The following RABEPK variants were observed in gnomAD, a reference collection of about 807,000 sequenced individuals.
RABEPK encodes the protein 40 kDa Rab9 effector protein.
RABEPK carries 27 observed loss-of-function variants against 34.1 expected under a neutral mutation model. The observed-to-expected ratio is 0.79, with a 90% CI of 0.58 to 1.09. The LOEUF (loss-of-function observed/expected upper bound fraction) is 1.09, where lower values mean the gene tolerates loss of function less well. RABEPK is among the 50% of genes least tolerant of loss of function. RABEPK has a pLI of 0.00. For synonymous variants in RABEPK, 172 were observed against 169.2 expected, an observed-to-expected ratio of 1.02 and a Z score of -0.13; for missense variants, 449 against 462.6, an observed-to-expected ratio of 0.97 and a Z score of 0.27.
chr9:125,210,572 T>C (rs1830522208), intron 3 of RABEPK, among the ~76,000 whole-genome samples: 1 of 151,086 alleles, frequency 6.6e-6, no homozygotes, highest in South Asian at 2.1e-4. Context: ...ACAAAAAAAT[T>C]AGCTGGGCAT....
chr9:125,212,870 A>C (rs1830677873), intron 3 of RABEPK, among the ~76,000 whole-genome samples: 1 of 151,768 alleles, frequency 6.6e-6, no homozygotes, highest in Admixed American at 6.6e-5. Flanking sequence ...AGGTTTCACC[A>C]TGTTGGCCAG....
At chr9:125,231,628 C>T (rs888609965) in intron 6 of RABEPK, among the ~76,000 whole-genome samples, 11 of 151,962 alleles carry the variant, frequency 7.2e-5, no homozygotes, top group Non-Finnish European at 1.5e-5. Context: ...TGGTGAAACA[C>T]CGTCTCTACT....
At chr9:125,231,113 G>C (rs544010293) in intron 6 of RABEPK, among the ~76,000 whole-genome samples, 1 of 151,602 alleles carries the variant, frequency 6.6e-6, no homozygotes, top group East Asian at 2.0e-4. Context: ...GACTAGCCTG[G>C]CCAACATGGT....
intron 4 of RABEPK, among the ~76,000 whole-genome samples, chr9:125,214,148 T>A (rs865876017): frequency 3.8e-4 from 58 of 150,980 alleles, no homozygotes; most frequent in African/African-American, 1.0e-3. Context: ...GAAAAAAAAA[T>A]TTTTTTAAAA....
At chr9:125,220,020 A>G (rs756105340) in intron 4 of RABEPK, among the ~76,000 whole-genome samples, 1 of 151,750 alleles carries the variant, frequency 6.6e-6, no homozygotes, top group Non-Finnish European at 1.5e-5. Context: ...TTTTTTTAAT[A>G]TGGAGCCTTG....
At chr9:125,217,615 T>G (rs1020704221) in intron 4 of RABEPK, among the ~76,000 whole-genome samples, 1 of 152,114 alleles carries the variant, frequency 6.6e-6, no homozygotes, top group Non-Finnish European at 1.5e-5. Context: ...TTTTCTCTCC[T>G]AGAAAATATA....
At chr9:125,209,201 C>T (rs1303643647) in intron 3 of RABEPK, among the ~76,000 whole-genome samples, 2 of 151,454 alleles carry the variant, frequency 1.3e-5, no homozygotes, top group Non-Finnish European at 2.9e-5. Context: ...GCTGGGATTA[C>T]AGGTGTGCGC....
intron 5 of RABEPK, among the ~76,000 whole-genome samples, chr9:125,222,865 T>A (rs1275066306): frequency 6.6e-6 from 1 of 152,096 alleles, no homozygotes; most frequent in African/African-American, 2.4e-5. Flanking sequence ...AGAGTCAGGG[T>A]CTCACTGCAT....
intron 6 of RABEPK, among the ~76,000 whole-genome samples, chr9:125,230,030 T>C (rs942264128): frequency 3.3e-5 from 5 of 152,160 alleles, no homozygotes; most frequent in Non-Finnish European, 7.3e-5. Flanking sequence ...ACTGATGCGA[T>C]CTTAGCTCAT....
At chr9:125,218,973 C>T (rs910879511) in intron 4 of RABEPK, among the ~76,000 whole-genome samples, 1 of 152,064 alleles carries the variant, frequency 6.6e-6, no homozygotes, top group Non-Finnish European at 1.5e-5. Flanking sequence ...CTCAAGCAAT[C>T]CACCTGCCCC....
At chr9:125,220,358 G>T in intron 4 of RABEPK, 181 bp from the exon 5 acceptor site, 1 of 1,460,444 alleles carries the variant, frequency 6.8e-7, no homozygotes, top group Non-Finnish European at 9.0e-7. Flanking sequence ...GGACTGTCTT[G>T]GCAAATCCTA....
At chr9:125,228,086 T>C (rs770265521) in intron 6 of RABEPK, 27 bp downstream of exon 6, 1 of 1,374,668 alleles carries the variant, frequency 7.3e-7, no homozygotes, top group South Asian at 1.8e-5. Context: ...GGCTTGTCTG[T>C]TTAAAATTGT....
chr9:125,224,064 A>G (rs1445227347), intron 5 of RABEPK, among the ~76,000 whole-genome samples: 1 of 151,838 alleles, frequency 6.6e-6, no homozygotes, highest in African/African-American at 2.4e-5. Flanking sequence ...GCATGGCGGC[A>G]GGTGCCTATA....
intron 1 of RABEPK, among the ~76,000 whole-genome samples, chr9:125,202,269 C>T (rs906761813): frequency 6.6e-6 from 1 of 151,234 alleles, no homozygotes; most frequent in Non-Finnish European, 1.5e-5. Flanking sequence ...GCCTGTAATC[C>T]CAGCACTTTG....
chr9:125,210,181 A>G (rs1830492629), intron 3 of RABEPK, among the ~76,000 whole-genome samples: 1 of 152,076 alleles, frequency 6.6e-6, no homozygotes, highest in African/African-American at 2.4e-5. Flanking sequence ...AGGCGGGCGG[A>G]TCGCTAGGTC....
At chr9:125,211,958 G>C (rs1830615574) in intron 3 of RABEPK, among the ~76,000 whole-genome samples, 1 of 150,564 alleles carries the variant, frequency 6.6e-6, no homozygotes, top group Non-Finnish European at 1.5e-5. Context: ...AACAGAGCAA[G>C]ACTCCATCTC....
intron 4 of RABEPK, 108 bp from the exon 5 acceptor site, chr9:125,220,431 G>GC (rs764939149): frequency 4.0e-5 from 60 of 1,499,876 alleles, no homozygotes; most frequent in Non-Finnish European, 5.2e-5. Context: ...AACTATGCTG[G>GC]CCCCCCTGGG....
chr9:125,206,877 G>A (rs1366836958), intron 2 of RABEPK, among the ~76,000 whole-genome samples: 1 of 152,114 alleles, frequency 6.6e-6, no homozygotes, highest in Non-Finnish European at 1.5e-5. Flanking sequence ...ATCACCTGAG[G>A]TCGGGAGTTC....
intron 4 of RABEPK, 23 bp downstream of exon 4, chr9:125,213,545 A>G: frequency 6.3e-7 from 1 of 1,598,540 alleles, no homozygotes; most frequent in Non-Finnish European, 8.6e-7. Flanking sequence ...AGGTTATTTT[A>G]TTTACGTACA....
Sources: allele counts gnomAD v4.1 joint callset (sites outside exome capture counted in the v4.1 genomes callset), GRCh38; gene constraint gnomAD v4.1.1; transcripts MANE v1.5; gene names NCBI Gene and HGNC (gene_info 2026-07-23, HGNC 2026-07-21).